Variants in CENPP observed in about 807,000 individuals in gnomAD.
CENPP encodes centromere protein P.
A neutral mutation model predicts 35.6 loss-of-function variants in CENPP; 24 were observed. That is an observed-to-expected ratio of 0.67 (90% CI 0.49 to 0.95). CENPP has a LOEUF of 0.95. CENPP is among the 40% of genes least tolerant of loss of function. The pLI is 0.00. For synonymous variants in CENPP, 120 were observed against 125.5 expected (o/e 0.96, Z 0.29); for missense variants, 332 against 345.3 (o/e 0.96, Z 0.31).
chr9:92,423,121 A>G (rs1041437489), intron 5 of CENPP, among the ~76,000 whole-genome samples: 4 of 152,316 alleles, frequency 2.6e-5, no homozygotes, highest in Admixed American at 1.3e-4. Context: ...ATTTCTTCAA[A>G]TGAACATATT....
intron 5 of CENPP, chr9:92,502,375 C>T: frequency 9.1e-7 from 1 of 1,093,640 alleles, no homozygotes; most frequent in Non-Finnish European, 1.3e-6. Flanking sequence ...TAAGGGTTCA[C>T]TAAGAAACGA....
intron 5 of CENPP, chr9:92,496,149 C>A: frequency 6.1e-6 from 8 of 1,316,798 alleles, no homozygotes; most frequent in African/African-American, 1.5e-5. Flanking sequence ...AGAGACTATA[C>A]CTTTTAGGTA....
chr9:92,455,462 G>C (rs1303319984), intron 5 of CENPP, among the ~76,000 whole-genome samples: 3 of 152,068 alleles, frequency 2.0e-5, no homozygotes, highest in Non-Finnish European at 2.9e-5. Context: ...CTAGTGTGTA[G>C]AGACCAGGGT....
intron 5 of CENPP, among the ~76,000 whole-genome samples, chr9:92,459,089 T>C (rs1473646512): frequency 6.6e-6 from 1 of 152,148 alleles, no homozygotes; most frequent in Non-Finnish European, 1.5e-5. Flanking sequence ...AGATTTCTAA[T>C]AATGAATAAA....
At chr9:92,440,383 A>AAATAAATCAATC (rs1336594042) in intron 5 of CENPP, among the ~76,000 whole-genome samples, 223 of 151,886 alleles carry the variant, frequency 1.5e-3, no homozygotes, top group Non-Finnish European at 1.9e-3. Context: ...ATAAATAAAT[A>AAATAAATCAATC]AATCACAAGA....
intron 5 of CENPP, among the ~76,000 whole-genome samples, chr9:92,422,919 G>A (rs558504592): frequency 6.6e-6 from 1 of 152,228 alleles, no homozygotes; most frequent in East Asian, 1.9e-4. Context: ...ATAACTCACA[G>A]CAATATTGTA....
chr9:92,373,639 A>T (rs2130857117), intron 4 of CENPP, among the ~76,000 whole-genome samples: 1 of 152,228 alleles, frequency 6.6e-6, no homozygotes, highest in East Asian at 1.9e-4. Flanking sequence ...CATCCTGGCC[A>T]ACATGATGAA....
intron 1 of CENPP, among the ~76,000 whole-genome samples, chr9:92,331,306 G>A (rs1043168026): frequency 1.3e-5 from 2 of 151,966 alleles, no homozygotes; most frequent in Admixed American, 6.5e-5. Flanking sequence ...TCAGCCTCCC[G>A]AGTAGCTGGG....
At chr9:92,526,309 G>A (rs1190322714) in intron 5 of CENPP, among the ~76,000 whole-genome samples, 2 of 152,250 alleles carry the variant, frequency 1.3e-5, no homozygotes, top group Non-Finnish European at 2.9e-5. Flanking sequence ...AAATATTTTT[G>A]TACAACTGTA....
At chr9:92,502,450 C>CT in intron 5 of CENPP, 1 of 1,571,888 alleles carries the variant, frequency 6.4e-7, no homozygotes, top group Admixed American at 1.7e-5. Context: ...TTTCCATACT[C>CT]TGTTTAATAA....
intron 5 of CENPP, among the ~76,000 whole-genome samples, chr9:92,573,682 T>C (rs951746476): frequency 8.5e-5 from 13 of 152,340 alleles, no homozygotes; most frequent in Non-Finnish European, 1.3e-4. Flanking sequence ...TGTTCAGCTA[T>C]GCCCTGCCCC....
chr9:92,585,993 AC>A (rs1486934326), intron 5 of CENPP, among the ~76,000 whole-genome samples: 1 of 151,596 alleles, frequency 6.6e-6, no homozygotes, highest in Non-Finnish European at 1.5e-5. Context: ...TTGTCCCACC[AC>A]CCCCTCATGA....
chr9:92,533,032 C>T (rs1302157794), intron 5 of CENPP, among the ~76,000 whole-genome samples: 1 of 151,826 alleles, frequency 6.6e-6, no homozygotes, highest in Non-Finnish European at 1.5e-5. Flanking sequence ...GGTGCGGTGG[C>T]TCAAGTCTGT....
Position 92,393,143 on chromosome 9 carries a change from G to A in CENPP, c.564+13284G>A, listed in dbSNP as rs773207951. The A allele has an allele frequency of 7.4e-6, 12 of 1,613,802 alleles. No homozygotes were observed. The South Asian group carries it at 8.8e-5, about 12-fold the overall frequency. ...TTAATTTTGTTGAATCGTGCGTAAA[G>A]ATAGGCTGATTCCTTTGGTAAGGGT... On this transcript the variant is annotated intron_variant, in intron 5 of 7. Transcript: ENST00000375587.
intron 5 of CENPP, among the ~76,000 whole-genome samples, chr9:92,516,427 T>G (rs1847726370): frequency 6.6e-6 from 1 of 152,130 alleles, no homozygotes; most frequent in Non-Finnish European, 1.5e-5. Flanking sequence ...TACTTTTATT[T>G]AACACTATAT....
At chr9:92,494,016 C>T (rs1019216911) in intron 5 of CENPP, 1 of 1,526,624 alleles carries the variant, frequency 6.6e-7, no homozygotes, top group African/African-American at 1.4e-5. Flanking sequence ...GTCGCATTGT[C>T]ACCCATTTTT....
At chr9:92,368,283 C>T (rs898590220) in intron 4 of CENPP, among the ~76,000 whole-genome samples, 4 of 152,168 alleles carry the variant, frequency 2.6e-5, no homozygotes, top group Non-Finnish European at 5.9e-5. Context: ...AAATTACCTT[C>T]AAGACCTGGA....
intron 5 of CENPP, among the ~76,000 whole-genome samples, chr9:92,550,395 C>CAAA (rs34946434): frequency 5.6e-4 from 81 of 145,934 alleles, no homozygotes; most frequent in African/African-American, 1.0e-3. Flanking sequence ...GACTCTGTCT[C>CAAA]AAAAAAAAAA....
chr9:92,574,790 G>A (rs1375811346), intron 5 of CENPP, among the ~76,000 whole-genome samples: 1 of 152,166 alleles, frequency 6.6e-6, no homozygotes, highest in African/African-American at 2.4e-5. Flanking sequence ...AACAAAGCTG[G>A]AGGACTCATT....
Sources: gnomAD v4.1 joint callset for allele counts (sites outside exome capture counted in the v4.1 genomes callset) on GRCh38, gnomAD v4.1.1 for gene constraint, MANE v1.5 for transcripts, NCBI Gene and HGNC (gene_info 2026-07-23, HGNC 2026-07-21) for gene names.